CAMK2G: variants seen among roughly 807,000 people sequenced by gnomAD.
CAMK2G encodes the protein calcium/calmodulin-dependent protein kinase type II subunit gamma.
Under a neutral mutation model 88.7 loss-of-function variants are expected in CAMK2G, and 23 were observed. The ratio of observed to expected loss-of-function variants is 0.26; its 90% CI spans 0.19 to 0.37. The LOEUF is 0.37. Ranked by LOEUF, CAMK2G falls within the 10% of genes least tolerant of loss-of-function variation. The probability of loss-of-function intolerance (pLI) is 1.00; values close to 1 mark genes in which losing one functional copy is unlikely to be tolerated. For synonymous variants in CAMK2G, 263 were observed against 294.8 expected (o/e 0.89, Z 1.11); for missense variants, 476 against 780.8 (o/e 0.61, Z 4.65).
chr10:73,835,491 G>A (rs755591924), intron 14 of CAMK2G, among the ~76,000 whole-genome samples: 8 of 150,290 alleles, frequency 5.3e-5, no homozygotes, highest in Non-Finnish European at 1.2e-4. Flanking sequence ...CACAGACAAG[G>A]TTTTGCCCAG....
intron 10 of CAMK2G, chr10:73,846,978 A>G (rs1326515358): frequency 8.3e-6 from 4 of 480,224 alleles, no homozygotes; most frequent in Non-Finnish European, 1.5e-5. Flanking sequence ...ATCCAAGAAC[A>G]GAACCAATCC....
intron 5 of CAMK2G, among the ~76,000 whole-genome samples, chr10:73,849,733 G>A (rs1321234029): frequency 6.6e-6 from 1 of 152,134 alleles, no homozygotes; most frequent in Non-Finnish European, 1.5e-5. Context: ...GCTTGTGCTG[G>A]CAACTTAGGA....
At chr10:73,818,994 C>T (rs1589774960) in intron 19 of CAMK2G, 1 of 359,854 alleles carries the variant, frequency 2.8e-6, no homozygotes, top group Non-Finnish European at 5.5e-6. Flanking sequence ...GAGGTGCGTG[C>T]CATTTTATTT....
chr10:73,825,231 C>A (rs1045348276), intron 16 of CAMK2G, 48 bp downstream of exon 16: 20 of 1,328,328 alleles, frequency 1.5e-5, no homozygotes, highest in Non-Finnish European at 2.1e-5. Flanking sequence ...AGGGAAGGGG[C>A]AGGAGGCAGC....
rs140838281 is a variant in CAMK2G at position 73,819,600 on chromosome 10, C to T, written c.1295G>A (p.Arg432Gln). ...TGNGSSVPEG[R>Q]SSRDRTAPSA... ...GGGGGCTGTTCTGTCCCGGGAGCTCCGTCCTTCAGGCACCGAGCTGCCATT... is the reference window on the plus strand; with the variant it reads ...GGGGGCTGTTCTGTCCCGGGAGCTCTGTCCTTCAGGCACCGAGCTGCCATT... Residue 432 changes from arginine to glutamine, a missense_variant, in exon 19 of 23, where the codon CGG becomes CAG. Physicochemically the swap from Arg to Gln is conservative, Grantham distance 43. Around this residue, in one of 3 missense-constraint regions of CAMK2G, gnomAD observed 278 missense variants for 366.5 expected, o/e 0.76. Coordinates refer to ENST00000423381, the MANE Select transcript of CAMK2G (RefSeq NM_001367534.1). 1.6e-5 allele frequency: 24 copies of T among 1,547,502 alleles called. No individual in the cohort carries two copies. Among genetic ancestry groups the T allele is most frequent in the South Asian group, 7.1e-5 (6 of 83,984 alleles).
intron 2 of CAMK2G, among the ~76,000 whole-genome samples, chr10:73,867,975 A>T (rs1565522942): frequency 6.6e-6 from 1 of 152,166 alleles, no homozygotes; most frequent in Non-Finnish European, 1.5e-5. Context: ...GTCCTGCGGC[A>T]GATCTGTCTG....
intron 2 of CAMK2G, among the ~76,000 whole-genome samples, chr10:73,869,990 T>C (rs1016207370): frequency 1.3e-5 from 2 of 152,138 alleles, no homozygotes; most frequent in South Asian, 2.1e-4. Context: ...ACTGTAGTAA[T>C]ATGGGGGAAA....
At chr10:73,840,037 C>A (rs534480007) in intron 12 of CAMK2G, among the ~76,000 whole-genome samples, 1 of 152,292 alleles carries the variant, frequency 6.6e-6, no homozygotes, top group South Asian at 2.1e-4. Context: ...CGCAGAGCAG[C>A]CCTCTCCCCT....
At chr10:73,816,599 T>A in intron 21 of CAMK2G, 1 of 598,756 alleles carries the variant, frequency 1.7e-6, no homozygotes, top group East Asian at 6.8e-5. Flanking sequence ...TAGCTGGGAC[T>A]ACAGGCACCG....
At chr10:73,819,313 C>G (rs1372674892) in intron 19 of CAMK2G, among the ~76,000 whole-genome samples, 3 of 152,104 alleles carry the variant, frequency 2.0e-5, no homozygotes, top group African/African-American at 7.2e-5. Flanking sequence ...CATGTTTTTC[C>G]ACCCACACTT....
chr10:73,844,257 A>G (rs1160400102), intron 10 of CAMK2G, among the ~76,000 whole-genome samples: 1 of 150,934 alleles, frequency 6.6e-6, no homozygotes, highest in African/African-American at 2.4e-5. Context: ...GCTAATTTTT[A>G]AAGTTTTTTT....
At position 73,848,287 on chromosome 10, in the gene CAMK2G, A is replaced by G. The variant is rs2094392340; in HGVS notation, c.602-205T>C. Reference sequence around the variant, plus strand: ...ACCAAGTCACACCAGGGATTTCTTTAGGCACAACCCATCCTCTAAGGCGTG... The same window carrying G: ...ACCAAGTCACACCAGGGATTTCTTTGGGCACAACCCATCCTCTAAGGCGTG... On this transcript the variant is annotated intron_variant, in intron 8 of 22. Coordinates refer to ENST00000423381, the MANE Select transcript of CAMK2G (RefSeq NM_001367534.1). The surrounding 1 kb of genome is among the most constrained non-coding windows in gnomAD (Gnocchi z 4.5). Among the ~76,000 whole-genome samples, 1 of 152,200 alleles carries G rather than the reference A, an allele frequency of 6.6e-6. No homozygotes were observed. Among genetic ancestry groups the G allele is most frequent in the African/African-American group, 2.4e-5 (1 of 41,446 alleles).
In CAMK2G at chr10:73,820,492, ATTTTT is replaced by A. The variant is rs1166533591; in HGVS notation, c.1250-852_1250-848del. On this transcript the variant is annotated intron_variant, in intron 18 of 22. Transcript: ENST00000423381. ...TATATATATATATATATATATATAT[ATTTTT>A]TTTTTTTTTTTTTTCTTGAGACAGA... 7.4e-4 allele frequency among the ~76,000 whole-genome samples: 38 copies of A among 51,052 alleles called. No homozygotes were observed. The East Asian group carries it at 8.0e-3, about 11-fold the overall frequency. 33.5% of individuals were successfully genotyped at this position (51,052 alleles called of 152,430 possible). A position where few individuals can be genotyped will look rare whatever the true frequency, so the allele number is the denominator to read the frequency against.
At position 73,847,212 on chromosome 10, in the gene CAMK2G, C is replaced by T; in HGVS notation, c.819+13G>A. The T allele has an allele frequency of 3.1e-6, 5 of 1,613,830 alleles. No individual in the cohort carries two copies. The highest frequency in any genetic ancestry group is 4.2e-6 in the Non-Finnish European group (5 of 1,179,750). On this transcript the variant is annotated intron_variant, in intron 10 of 22. Transcript: ENST00000423381. ...CACCCCTGAGCTCCTTGGCCACTAG[C>T]AAAGACACTTACACAGACCCACGGG...
Position 73,848,259 on chromosome 10 carries a change from G to A in CAMK2G, c.602-177C>T, listed in dbSNP as rs184728575. On this transcript the variant is annotated intron_variant, in intron 8 of 22. Transcript: ENST00000423381. The surrounding 1 kb of genome is among the most constrained non-coding windows in gnomAD (Gnocchi z 4.5). ...CCTCCTGCTATGCCTCACACTTCACGTCACCAAGTCACACCAGGGATTTCT... is the reference window on the plus strand; with the variant it reads ...CCTCCTGCTATGCCTCACACTTCACATCACCAAGTCACACCAGGGATTTCT... Among the ~76,000 whole-genome samples the A allele has an allele frequency of 3.9e-5, 6 of 152,260 alleles. No homozygotes were observed. Among genetic ancestry groups the A allele is most frequent in the East Asian group, 1.9e-4 (1 of 5,182 alleles).
In CAMK2G at chr10:73,821,747, A is replaced by G. The variant is rs753933434; in HGVS notation, c.1201-17T>C. ...TGTGGAGCCCTGTAGGCCAAAAAGA[A>G]CATGTTTCTATATGCTCCATCCCTT... On this transcript the variant is annotated splice_polypyrimidine_tract_variant and intron_variant, in intron 17 of 22. Transcript: ENST00000423381. 6.2e-7 allele frequency: 1 copy of G among 1,605,234 alleles called. No homozygotes were observed. The highest frequency in any genetic ancestry group is 1.1e-5 in the South Asian group (1 of 90,050).
intron 3 of CAMK2G, among the ~76,000 whole-genome samples, chr10:73,857,459 A>C (rs2095120392): frequency 6.6e-6 from 1 of 152,232 alleles, no homozygotes; most frequent in South Asian, 2.1e-4. Flanking sequence ...CCGAAGCCGC[A>C]AAACTTGGCT....
intron 9 of CAMK2G, among the ~76,000 whole-genome samples, 155 bp downstream of exon 9, chr10:73,847,833 G>C (rs1041545739): frequency 6.6e-6 from 1 of 151,872 alleles, no homozygotes; most frequent in African/African-American, 2.4e-5. Flanking sequence ...AGAGTGGCAA[G>C]AATTGGGCCC....
rs928278800 is a variant in CAMK2G at position 73,812,784 on chromosome 10, A to C, written c.*1734T>G. On this transcript the variant is annotated 3_prime_UTR_variant, in exon 23 of 23. Transcript: ENST00000423381. ...GCTATGGGTCTCAATGAATTCTAAG[A>C]CCATTTGTCTTCAAGCCAGCAAAAC... 2.0e-5 allele frequency: 3 copies of C among 152,660 alleles called. No individual in the cohort carries two copies. The highest frequency in any genetic ancestry group is 2.9e-5 in the Non-Finnish European group (2 of 68,042). 9.5% of individuals were successfully genotyped at this position (152,660 alleles called of 1,614,324 possible).
Sources: allele counts gnomAD v4.1 joint callset (sites outside exome capture counted in the v4.1 genomes callset), GRCh38; gene constraint gnomAD v4.1.1; regional missense constraint gnomAD v4.1.1; non-coding constraint Gnocchi (gnomAD v3.1); transcripts MANE v1.5; gene names NCBI Gene and HGNC (gene_info 2026-07-23, HGNC 2026-07-21).